PTPRT: variants seen among roughly 807,000 people sequenced by gnomAD.
The protein encoded by PTPRT is protein tyrosine phosphatase receptor type T.
PTPRT carries 56 observed loss-of-function variants against 176.8 expected under a neutral mutation model. That is an observed-to-expected ratio of 0.32 (90% CI 0.26 to 0.40). The LOEUF (loss-of-function observed/expected upper bound fraction) is 0.40, where lower values mean the gene tolerates loss of function less well. Among genes scored for constraint, PTPRT ranks in the 10% least tolerant of loss-of-function variants. The pLI is 1.00. For synonymous variants in PTPRT, 783 were observed against 739.0 expected, an observed-to-expected ratio of 1.06 and a Z score of -0.96; for missense variants, 1,540 against 1,908.2, an observed-to-expected ratio of 0.81 and a Z score of 3.60.
At chr20:42,239,529 T>C (rs1035123863) in intron 14 of PTPRT, among the ~76,000 whole-genome samples, 51 of 149,930 alleles carry the variant, frequency 3.4e-4, no homozygotes, top group African/African-American at 1.3e-3. Flanking sequence ...TCCACGCCAT[T>C]CTCCTGCCTC....
At chr20:42,613,645 C>T (rs779248352) in intron 7 of PTPRT, among the ~76,000 whole-genome samples, 12 of 152,106 alleles carry the variant, frequency 7.9e-5, no homozygotes, top group Non-Finnish European at 1.5e-4. Flanking sequence ...CTAAGATTAC[C>T]CTTTACAGGG....
At chr20:42,843,906 T>C (rs1236895729) in intron 2 of PTPRT, among the ~76,000 whole-genome samples, 2 of 152,166 alleles carry the variant, frequency 1.3e-5, no homozygotes, top group African/African-American at 4.8e-5. Flanking sequence ...GAAAAAATAA[T>C]GCATGCGAGT....
chr20:42,453,837 ATTTT>A (rs11482073), intron 8 of PTPRT, among the ~76,000 whole-genome samples: 2 of 141,034 alleles, frequency 1.4e-5, no homozygotes, highest in African/African-American at 2.6e-5. Context: ...CGCCCGGCTA[ATTTT>A]TTTTTTTTTT....
At chr20:42,369,597 G>T (rs2058560569) in intron 9 of PTPRT, among the ~76,000 whole-genome samples, 1 of 152,174 alleles carries the variant, frequency 6.6e-6, no homozygotes, top group Admixed American at 6.5e-5. Flanking sequence ...CAGAGATAGT[G>T]GGGGCCAGAG....
intron 1 of PTPRT, among the ~76,000 whole-genome samples, chr20:43,056,653 C>T (rs1275445907): frequency 6.6e-6 from 1 of 152,166 alleles, no homozygotes; most frequent in East Asian, 1.9e-4. Flanking sequence ...TAACAAATAC[C>T]AGGAACAACT....
chr20:42,941,166 T>C (rs1053577232), intron 1 of PTPRT, among the ~76,000 whole-genome samples: 1 of 152,070 alleles, frequency 6.6e-6, no homozygotes, highest in African/African-American at 2.4e-5. Flanking sequence ...ATAGATTTTA[T>C]TCCTAGGTAA....
intron 1 of PTPRT, among the ~76,000 whole-genome samples, chr20:43,068,233 A>G (rs1296870479): frequency 5.4e-5 from 8 of 148,954 alleles, no homozygotes; most frequent in Admixed American, 3.4e-4. Flanking sequence ...GGCCAGGCGC[A>G]GTGGCTCATG....
intron 1 of PTPRT, among the ~76,000 whole-genome samples, chr20:42,961,087 T>G (rs1380916273): frequency 6.6e-6 from 1 of 152,024 alleles, no homozygotes; most frequent in African/African-American, 2.4e-5. Context: ...AAAAATGAGA[T>G]AAACAGATAA....
chr20:43,046,771 T>G (rs551930962), intron 1 of PTPRT, among the ~76,000 whole-genome samples: 2 of 152,262 alleles, frequency 1.3e-5, no homozygotes, highest in East Asian at 3.9e-4. Flanking sequence ...CTTGTTCAAC[T>G]AAAATGAACT....
intron 7 of PTPRT, among the ~76,000 whole-genome samples, chr20:42,487,387 C>G (rs1234482706): frequency 6.6e-6 from 1 of 152,146 alleles, no homozygotes; most frequent in Non-Finnish European, 1.5e-5. Context: ...ATCCTCTGCC[C>G]CAAATCAAAA....
chr20:43,018,325 A>G (rs190684954), intron 1 of PTPRT, among the ~76,000 whole-genome samples: 7 of 152,378 alleles, frequency 4.6e-5, no homozygotes, highest in African/African-American at 1.7e-4. Context: ...TGAAAAAAAT[A>G]TTACATTCTC....
At chr20:42,398,789 A>T (rs2058876545) in intron 9 of PTPRT, among the ~76,000 whole-genome samples, 1 of 152,218 alleles carries the variant, frequency 6.6e-6, no homozygotes, top group African/African-American at 2.4e-5. Context: ...TTAGTGGCTT[A>T]AAACAACAAT....
chr20:43,143,315 T>G (rs1330758061), intron 1 of PTPRT, among the ~76,000 whole-genome samples: 1 of 152,218 alleles, frequency 6.6e-6, no homozygotes, highest in Non-Finnish European at 1.5e-5. Context: ...CTAATAAAAA[T>G]TCAACAGCTC....
chr20:42,854,680 T>A (rs1435531265), intron 2 of PTPRT, among the ~76,000 whole-genome samples: 4 of 152,248 alleles, frequency 2.6e-5, no homozygotes, highest in African/African-American at 4.8e-5. Flanking sequence ...GGGGAAAAAA[T>A]TCTGAAATCT....
At chr20:42,588,915 T>C (rs1173488872) in intron 7 of PTPRT, among the ~76,000 whole-genome samples, 1 of 152,106 alleles carries the variant, frequency 6.6e-6, no homozygotes, top group Non-Finnish European at 1.5e-5. Context: ...ATGGCACAAC[T>C]GAGGCACCAA....
intron 19 of PTPRT, 73 bp downstream of exon 19, chr20:42,128,681 G>C (rs1987975173): frequency 3.0e-6 from 4 of 1,336,558 alleles, no homozygotes; most frequent in East Asian, 2.5e-5. Context: ...TTCTGGAGGA[G>C]AGTTTGGGGT....
intron 7 of PTPRT, among the ~76,000 whole-genome samples, chr20:42,613,001 G>T (rs1190367720): frequency 1.3e-5 from 2 of 152,192 alleles, no homozygotes; most frequent in African/African-American, 4.8e-5. Flanking sequence ...CAGATGGATA[G>T]ACACCCTAAA....
intron 18 of PTPRT, among the ~76,000 whole-genome samples, chr20:42,139,726 C>T (rs1394247115): frequency 1.3e-5 from 2 of 152,200 alleles, no homozygotes; most frequent in Non-Finnish European, 2.9e-5. Flanking sequence ...CAGGCATAGG[C>T]TTTATCAGAT....
chr20:42,085,989 C>T (rs1193672506), intron 27 of PTPRT, 136 bp from the exon 28 acceptor site: 32 of 1,144,108 alleles, frequency 2.8e-5, no homozygotes, highest in Non-Finnish European at 3.7e-5. Context: ...CTCTTGTTGC[C>T]CAGCCTGGAG....
Sources: allele counts gnomAD v4.1 joint callset (sites outside exome capture counted in the v4.1 genomes callset), GRCh38; gene constraint gnomAD v4.1.1; transcripts MANE v1.5; gene names NCBI Gene and HGNC (gene_info 2026-07-23, HGNC 2026-07-21).